The following EDRF1 variants were observed in gnomAD, a reference collection of about 807,000 sequenced individuals.
EDRF1 encodes erythroid differentiation regulatory factor 1, also known as erythroid differentiation-related factor 1.
Under a neutral mutation model 148.7 loss-of-function variants are expected in EDRF1, and 69 were observed. The ratio of observed to expected loss-of-function variants is 0.46; its 90% CI spans 0.38 to 0.57. The LOEUF is 0.57. Ranked by LOEUF, EDRF1 falls within the 20% of genes least tolerant of loss-of-function variation. The pLI is 0.00. For missense variants in EDRF1, 1,118 were observed against 1,478.7 expected (o/e 0.76, Z 4.00); for synonymous variants, 515 against 532.8 (o/e 0.97, Z 0.46).
intron 15 of EDRF1, among the ~76,000 whole-genome samples, chr10:125,740,056 G>C (rs979808876): frequency 2.0e-5 from 3 of 152,194 alleles, no homozygotes; most frequent in Non-Finnish European, 4.4e-5. Flanking sequence ...TAGGAAGTGA[G>C]ACTGAGAAAC....
At position 125,737,925 on chromosome 10, in the gene EDRF1, G is replaced by C; in HGVS notation, c.1766G>C (p.Cys589Ser). The C allele has an allele frequency of 6.2e-7, 1 of 1,613,844 alleles. No individual in the cohort carries two copies. Among genetic ancestry groups the C allele is most frequent in the Non-Finnish European group, 8.5e-7 (1 of 1,179,852 alleles). ...TTATGTTTGTTCCTCAAGCCCAGTTGTGCATTTCCAGTTTGCCATGACACA... is the reference window on the plus strand; with the variant it reads ...TTATGTTTGTTCCTCAAGCCCAGTTCTGCATTTCCAGTTTGCCATGACACA... ...YKSIHQIRPS[C>S]AFPVCHDTEE... Residue 589 changes from cysteine (C) to serine (S), a missense_variant, in exon 14 of 25, where the codon TGT becomes TCT. Physicochemically the swap from Cys to Ser is moderately radical, Grantham distance 112. Coordinates refer to ENST00000356792, the MANE Select transcript of EDRF1 (RefSeq NM_001202438.2).
Position 125,763,528 on chromosome 10 carries a change from T to C in EDRF1, c.*56T>C. ...CAGTGCCTTCAACACGGAGCCGGTT[T>C]GTTCATTCGGTGCTTTGTTTCATTA... is the stretch of plus-strand genomic sequence containing the variant. On this transcript the variant is annotated 3_prime_UTR_variant, in exon 25 of 25. Coordinates refer to ENST00000356792, the MANE Select transcript of EDRF1 (RefSeq NM_001202438.2). The surrounding 1 kb of genome is among the most constrained non-coding windows in gnomAD (Gnocchi z 4.3). 1 of 1,555,226 alleles carries C rather than the reference T, an allele frequency of 6.4e-7. No individual in the cohort carries two copies. Among genetic ancestry groups the C allele is most frequent in the South Asian group, 1.1e-5 (1 of 88,864 alleles).
Position 125,740,524 on chromosome 10 carries a change from A to G in EDRF1, c.2043A>G (p.Gln681=). 1 of 1,614,172 alleles carries G rather than the reference A, an allele frequency of 6.2e-7. No individual in the cohort carries two copies. The highest frequency in any genetic ancestry group is 8.5e-7 in the Non-Finnish European group (1 of 1,180,028). ...SQSGMIPGSW[Q]HKMKLQLILK... is the part of the protein sequence containing the mutation. ...CTGGAATGATCCCTGGCTCTTGGCA[A>G]CATAAAATGAAACTTCAGCTGATTC... Residue 681 remains glutamine, a synonymous_variant, in exon 16 of 25, where the codon CAA becomes CAG. Transcript: ENST00000356792.
intron 8 of EDRF1, 67 bp from the exon 9 acceptor site, chr10:125,730,221 A>G (rs1382343986): frequency 6.4e-6 from 8 of 1,240,962 alleles, no homozygotes; most frequent in Admixed American, 3.4e-5. Flanking sequence ...TGGTGAAATA[A>G]CTTTCAGATG....
At chr10:125,756,527 A>G (rs1849906728) in intron 24 of EDRF1, among the ~76,000 whole-genome samples, 1 of 152,114 alleles carries the variant, frequency 6.6e-6, no homozygotes, top group Non-Finnish European at 1.5e-5. Flanking sequence ...CTGAGCGAGG[A>G]GTGTTGAAGT....
Position 125,763,276 on chromosome 10 carries a change from G to C in EDRF1, c.3546-25G>C, listed in dbSNP as rs1564759328. ...GGTAGGCATTGCTGGTCCCTTACCT[G>C]TCTCTTTTTCTTTTTTAACCCTAGC... On this transcript the variant is annotated intron_variant, in intron 24 of 24. Transcript: ENST00000356792. The surrounding 1 kb of genome is among the most constrained non-coding windows in gnomAD (Gnocchi z 4.3). The C allele has an allele frequency of 1.9e-6, 3 of 1,606,106 alleles. No individual in the cohort carries two copies. Among genetic ancestry groups the C allele is most frequent in the Non-Finnish European group, 2.5e-6 (3 of 1,177,986 alleles).
chr10:125,761,129 G>A (rs1251128784), intron 24 of EDRF1: 3 of 294,350 alleles, frequency 1.0e-5, no homozygotes, highest in Non-Finnish European at 1.3e-5. Context: ...AAATAAACAA[G>A]GCTTAATAAT....
intron 21 of EDRF1, 46 bp from the exon 22 acceptor site, chr10:125,749,366 A>G: frequency 6.2e-7 from 1 of 1,613,040 alleles, no homozygotes; most frequent in African/African-American, 1.3e-5. Context: ...TGAAGCCTGA[A>G]GTAGTTACCG....
chr10:125,742,234 A>G lies in EDRF1; in HGVS notation c.2372-824A>G, dbSNP rs778018336. 12 of 1,289,230 alleles carry G rather than the reference A, an allele frequency of 9.3e-6. 1 individual carries two copies. In the South Asian group the frequency reaches 1.2e-4, roughly 13 times the overall value. 79.9% of individuals were successfully genotyped at this position (1,289,230 alleles called of 1,614,324 possible). A position where few individuals can be genotyped will look rare whatever the true frequency, so the allele number is the denominator to read the frequency against. On this transcript the variant is annotated intron_variant, in intron 17 of 24. Transcript: ENST00000356792. ...GGAATTGTCAGGCTTTAAAACTGGG[A>G]AGTAGAATAATCTGATCCGCAGCAG... is the stretch of plus-strand genomic sequence containing the variant.
intron 17 of EDRF1, among the ~76,000 whole-genome samples, chr10:125,741,901 C>G (rs961575918): frequency 3.9e-5 from 6 of 151,960 alleles, no homozygotes; most frequent in African/African-American, 1.5e-4. Context: ...CCACGTTGCC[C>G]CAGACTGGTC....
intron 5 of EDRF1, 116 bp from the exon 6 acceptor site, chr10:125,725,566 T>C (rs1326502643): frequency 1.9e-6 from 3 of 1,565,230 alleles, no homozygotes; most frequent in Non-Finnish European, 2.6e-6. Context: ...TTGTTTCATA[T>C]TTCTTTTTTA....
intron 24 of EDRF1, among the ~76,000 whole-genome samples, chr10:125,762,058 T>G (rs1282027098): frequency 1.3e-5 from 2 of 152,030 alleles, no homozygotes; most frequent in Non-Finnish European, 2.9e-5. Context: ...CAGGAGGAGA[T>G]TTGCCTGATA....
chr10:125,762,403 G>T (rs1850233619), intron 24 of EDRF1, among the ~76,000 whole-genome samples: 1 of 151,946 alleles, frequency 6.6e-6, no homozygotes, highest in South Asian at 2.1e-4. Flanking sequence ...GTAAGGCTCA[G>T]ATGTGTTCAT....
chr10:125,719,864 A>G lies in EDRF1; in HGVS notation c.57A>G (p.Arg19=). Residue 19 remains arginine, a synonymous_variant, in exon 1 of 25, where the codon CGA becomes CGG. Transcript: ENST00000356792. ...AEGPPAGAAA[R]GGLSLLSQGE... is the part of the protein sequence containing the mutation. The stretch of plus-strand genomic sequence containing the variant: ...GTCCGCCGGCCGGGGCCGCCGCTCG[A>G]GGAGGGCTCAGCCTCCTGTCCCAGG... 1 of 1,613,020 alleles carries G rather than the reference A, an allele frequency of 6.2e-7. No individual in the cohort carries two copies. Among genetic ancestry groups the G allele is most frequent in the Non-Finnish European group, 8.5e-7 (1 of 1,179,828 alleles).
intron 5 of EDRF1, 62 bp downstream of exon 5, chr10:125,725,504 G>T: frequency 6.3e-7 from 1 of 1,599,978 alleles, no homozygotes; most frequent in Non-Finnish European, 8.6e-7. Flanking sequence ...AATTTAGTGT[G>T]AAGCTTAATG....
intron 9 of EDRF1, chr10:125,732,007 C>T: frequency 5.8e-6 from 2 of 347,252 alleles, no homozygotes; most frequent in Middle Eastern, 3.9e-4. Flanking sequence ...TGCTTTGAAC[C>T]GTTATATTCC....
intron 21 of EDRF1, 155 bp from the exon 22 acceptor site, chr10:125,749,257 A>G: frequency 1.2e-6 from 1 of 860,734 alleles, no homozygotes; most frequent in Non-Finnish European, 1.8e-6. Context: ...CAAAAAAAAA[A>G]AAAGAAAGGA....
At chr10:125,727,160 C>A (rs1270667280) in intron 6 of EDRF1, among the ~76,000 whole-genome samples, 1 of 152,210 alleles carries the variant, frequency 6.6e-6, no homozygotes, top group East Asian at 1.9e-4. Flanking sequence ...CCAGATCTTT[C>A]TGCCTGCAGA....
At chr10:125,722,919 G>A in intron 2 of EDRF1, 149 bp from the exon 3 acceptor site, 1 of 769,610 alleles carries the variant, frequency 1.3e-6, no homozygotes, top group East Asian at 2.5e-5. Flanking sequence ...CTTGCCAACT[G>A]TGATGGTGAT....
Sources: gnomAD v4.1 joint callset for allele counts (sites outside exome capture counted in the v4.1 genomes callset) on GRCh38, gnomAD v4.1.1 for gene constraint, Gnocchi (gnomAD v3.1) non-coding constraint, MANE v1.5 for transcripts, NCBI Gene and HGNC (gene_info 2026-07-23, HGNC 2026-07-21) for gene names.